Variants in GPR157 observed in about 807,000 individuals in gnomAD.
GPR157 encodes G protein-coupled receptor 157, also known as G-protein coupled receptor 157.
Under a neutral mutation model 23.5 loss-of-function variants are expected in GPR157, and 16 were observed. The ratio of observed to expected loss-of-function variants is 0.68; its 90% confidence interval spans 0.46 to 1.04. The LOEUF (loss-of-function observed/expected upper bound fraction) is 1.04, where lower values mean the gene tolerates loss of function less well. GPR157 is among the 50% of genes least tolerant of loss of function. The probability of loss-of-function intolerance (pLI) is 0.00; values close to 1 mark genes in which losing one functional copy is unlikely to be tolerated. For missense variants in GPR157, 440 were observed against 460.7 expected, an observed-to-expected ratio of 0.96 and a Z score of 0.41; for synonymous variants, 200 against 221.5, an observed-to-expected ratio of 0.90 and a Z score of 0.86.
rs772426416 is a variant in GPR157, at chr1:9,111,396, G to A, written c.477C>T (p.Ile159=). 29 of 1,614,162 alleles carry A rather than the reference G, an allele frequency of 1.8e-5. No individual in the cohort carries two copies. Among genetic ancestry groups the A allele is most frequent in the East Asian group, 2.2e-5 (1 of 44,878 alleles). ...ASDVSVGWCW[I]DLEAKDHVLW... ...GGACATGGTCCTTGGCCTCCAGGTC[G>A]ATCCAGCACCAGCCCACAGACACGT... Residue 159 remains isoleucine (I), a synonymous_variant, in exon 2 of 4, where the codon ATC becomes ATT. Coordinates refer to ENST00000377411, the MANE Select transcript of GPR157 (RefSeq NM_024980.5).
At chr1:9,116,327 A>ATATATAT (rs1195678344) in intron 1 of GPR157, among the ~76,000 whole-genome samples, 1 of 12,366 alleles carries the variant, frequency 8.1e-5, no homozygotes, top group Non-Finnish European at 1.2e-4. Flanking sequence ...AATATATATA[A>ATATATAT]ATTATATATA....
At chr1:9,111,516 T>C in intron 1 of GPR157, 27 bp from the exon 2 acceptor site, 1 of 1,596,370 alleles carries the variant, frequency 6.3e-7, no homozygotes, top group Non-Finnish European at 8.6e-7. Context: ...GAAAGAGGCA[T>C]CGGGGTCAGG....
chr1:9,102,234 A>C lies in GPR157; in HGVS notation c.*2185T>G, dbSNP rs1456607123. 6.6e-6 allele frequency: 1 copy of C among 152,050 alleles called. No individual in the cohort carries two copies. The allele number at this position is 152,050 out of a possible 1,614,324, so 9.4% of individuals were successfully genotyped here. ...AGACCAGCCTGGCCAACATGGTGAA[A>C]ACCCGTCTCTACTGAAAATACAAAA... On this transcript the variant is annotated 3_prime_UTR_variant, in exon 4 of 4. Coordinates refer to ENST00000377411, the MANE Select transcript of GPR157 (RefSeq NM_024980.5).
At chr1:9,115,325 CCTT>C (rs1396398869) in intron 1 of GPR157, among the ~76,000 whole-genome samples, 3 of 152,238 alleles carry the variant, frequency 2.0e-5, no homozygotes, top group Middle Eastern at 3.4e-3. Flanking sequence ...TAATAATACT[CCTT>C]CTTTATTGTC....
rs1002184145 is a variant in GPR157, at chr1:9,108,429, G to T, written c.598-2749C>A. ...GTAAGGGTCAGCCTCAGCCCCGCAG[G>T]CTTCCTGCCCTGCCAAAGGAAAGGC... On this transcript the variant is annotated intron_variant, in intron 2 of 3. Transcript: ENST00000377411. Among the ~76,000 whole-genome samples, 5 of 152,348 alleles carry T rather than the reference G, an allele frequency of 3.3e-5. No homozygotes were observed. In the East Asian group the frequency reaches 9.6e-4, roughly 29 times the overall value.
At position 9,111,269 on chromosome 1, in the gene GPR157, C is replaced by T. The variant is rs185295163; in HGVS notation, c.597+7G>A. 8.1e-6 allele frequency: 13 copies of T among 1,613,492 alleles called. No homozygotes were observed. The highest frequency in any genetic ancestry group is 1.6e-4 in the Middle Eastern group (1 of 6,082). Reference sequence around the variant, plus strand: ...AGAGGGCCCTGAGCTCTAAGGGCAGCGCCTACCGCTCTGTTGATGTGCTTC... The same window carrying T: ...AGAGGGCCCTGAGCTCTAAGGGCAGTGCCTACCGCTCTGTTGATGTGCTTC... On this transcript the variant is annotated splice_region_variant and intron_variant, in intron 2 of 3. Coordinates refer to ENST00000377411, the MANE Select transcript of GPR157 (RefSeq NM_024980.5).
intron 1 of GPR157, among the ~76,000 whole-genome samples, chr1:9,119,914 C>T (rs990370629): frequency 1.3e-5 from 2 of 152,146 alleles, no homozygotes; most frequent in African/African-American, 2.4e-5. Flanking sequence ...GTCGTGGTGT[C>T]GGTCAGATGA....
In GPR157 at chr1:9,104,461, A is replaced by G; in HGVS notation, c.966T>C (p.Ser322=). The change falls in exon 4 of 4, where the codon TCT becomes TCC. Residue 322 remains serine, a synonymous_variant. Coordinates refer to ENST00000377411, the MANE Select transcript of GPR157 (RefSeq NM_024980.5). ...KAPAPSKPGE[S]QESQGTPGEL... is the part of the protein sequence containing the mutation. ...CCCCTGGGGTCCCTTGGGATTCCTG[A>G]GATTCTCCTGGCTTGGAAGGCGCGG... The G allele has an allele frequency of 6.2e-7, 1 of 1,613,644 alleles. No homozygotes were observed.
rs1638306779 is a variant in GPR157, at chr1:9,105,915, A to T, written c.598-235T>A. Among the ~76,000 whole-genome samples the T allele has an allele frequency of 6.6e-6, 1 of 151,986 alleles. No individual in the cohort carries two copies. The highest frequency in any genetic ancestry group is 1.5e-5 in the Non-Finnish European group (1 of 67,976). On this transcript the variant is annotated intron_variant, in intron 2 of 3. Transcript: ENST00000377411. This position sits in a 1 kb window ranked among gnomAD's most constrained non-coding sequence, Gnocchi z 4.8. ...AGCTCACATCCAAGACAGAAGATGGATCTTGACCCCTGAGGCCAATGCTCC... is the reference window on the plus strand; with the variant it reads ...AGCTCACATCCAAGACAGAAGATGGTTCTTGACCCCTGAGGCCAATGCTCC...
chr1:9,126,281 C>T (rs1243940507), intron 1 of GPR157, among the ~76,000 whole-genome samples: 1 of 152,140 alleles, frequency 6.6e-6, no homozygotes, highest in Non-Finnish European at 1.5e-5. Flanking sequence ...TTTTTTCCTT[C>T]AAATTAAATG....
At chr1:9,122,827 C>T (rs1638828024) in intron 1 of GPR157, among the ~76,000 whole-genome samples, 1 of 151,920 alleles carries the variant, frequency 6.6e-6, no homozygotes, top group Admixed American at 6.6e-5. Context: ...CAAGATTTTC[C>T]TTTGCTATCA....
chr1:9,116,327 A>T lies in GPR157; in HGVS notation c.384-4838T>A, dbSNP rs1208479868. 2.8e-3 allele frequency among the ~76,000 whole-genome samples: 34 copies of T among 12,346 alleles called. 2 individuals are homozygous for T. Among genetic ancestry groups the T allele is most frequent in the African/African-American group, 7.6e-3 (14 of 1,846 alleles). 8.1% of individuals were successfully genotyped at this position (12,346 alleles called of 152,430 possible). On this transcript the variant is annotated intron_variant, in intron 1 of 3. Transcript: ENST00000377411. ...TATTATATTATATATAATATATATA[A>T]ATTATATATAATTTATATATAATTA... is the stretch of plus-strand genomic sequence containing the variant.
rs374315465 is a variant in GPR157 at position 9,105,515 on chromosome 1, C to T, written c.763G>A (p.Val255Met). ...FVLTLCGSPA[V>M]QTPVLVVLHG... The stretch of plus-strand genomic sequence containing the variant: ...AGAACCACCAGCACCGGCGTCTGCA[C>T]GGCCGGGGAGCCACAGAGGGTCAGC... The change falls in exon 3 of 4, where the codon GTG (valine) becomes ATG (methionine). Residue 255 changes from valine to methionine, a missense_variant. Transcript: ENST00000377411. The surrounding 1 kb of genome is among the most constrained non-coding windows in gnomAD (Gnocchi z 4.8). 6.6e-5 allele frequency: 105 copies of T among 1,582,426 alleles called. 1 individual carries two copies. The Middle Eastern group carries it at 1.2e-3, about 18-fold the overall frequency.
chr1:9,111,197 GGGCCAAACTCAATGCCA>G, intron 2 of GPR157, 62 bp downstream of exon 2: 1 of 1,389,824 alleles, frequency 7.2e-7, no homozygotes, highest in Non-Finnish European at 1.0e-6. Flanking sequence ...TCCCCTCGGG[GGGCCAAACTCAATGCCA>G]GGCCTTGCAC....
At chr1:9,116,326 A>ATAATTATATATATTATATATAT (rs1275563972) in intron 1 of GPR157, among the ~76,000 whole-genome samples, 1 of 14,644 alleles carries the variant, frequency 6.8e-5, no homozygotes, top group Non-Finnish European at 1.0e-4. Flanking sequence ...TAATATATAT[A>ATAATTATATATATTATATATAT]AATTATATAT....
rs769755474 is a variant in GPR157 at position 9,128,062 on chromosome 1, C to T, written c.383+583G>A. ...TCAGAATTGCTGAACTCTGGAAAGT[C>T]AAGATCATCTAGAACAGAAATACAA... On this transcript the variant is annotated intron_variant, in intron 1 of 3. Coordinates refer to ENST00000377411, the MANE Select transcript of GPR157 (RefSeq NM_024980.5). The surrounding 1 kb of genome is among the most constrained non-coding windows in gnomAD (Gnocchi z 6.3). Among the ~76,000 whole-genome samples the T allele has an allele frequency of 1.3e-5, 2 of 152,124 alleles. No individual in the cohort carries two copies. The highest frequency in any genetic ancestry group is 4.8e-5 in the African/African-American group (2 of 41,428).
intron 1 of GPR157, among the ~76,000 whole-genome samples, chr1:9,124,934 C>G (rs1638933273): frequency 6.6e-6 from 1 of 152,164 alleles, no homozygotes; most frequent in Non-Finnish European, 1.5e-5. Context: ...AAATCCCTCA[C>G]TAACCTACCC....
rs1457695211 is a variant in GPR157, at chr1:9,128,617, C to T, written c.383+28G>A. 6.2e-7 allele frequency: 1 copy of T among 1,608,310 alleles called. No homozygotes were observed. The highest frequency in any genetic ancestry group is 8.5e-7 in the Non-Finnish European group (1 of 1,176,878). ...AGGGGTCGGCCTGTGTCGGGGGCTC[C>T]TGGAAAAGCAGCGCCACCGCCACCC... On this transcript the variant is annotated intron_variant, in intron 1 of 3. Transcript: ENST00000377411. This position sits in a 1 kb window ranked among gnomAD's most constrained non-coding sequence, Gnocchi z 6.3.
chr1:9,116,898 T>C (rs1256040944), intron 1 of GPR157, among the ~76,000 whole-genome samples: 1 of 151,998 alleles, frequency 6.6e-6, no homozygotes, highest in Non-Finnish European at 1.5e-5. Context: ...CATGCTACCA[T>C]GCCCGGCTTA....
Sources: gnomAD v4.1 joint callset for allele counts (sites outside exome capture counted in the v4.1 genomes callset) on GRCh38, gnomAD v4.1.1 for gene constraint, Gnocchi (gnomAD v3.1) non-coding constraint, MANE v1.5 for transcripts, NCBI Gene and HGNC (gene_info 2026-07-23, HGNC 2026-07-21) for gene names.